Variants in DCDC2 observed in about 807,000 individuals in gnomAD.
DCDC2 encodes doublecortin domain containing 2.
In DCDC2, 40 loss-of-function variants were observed where a neutral mutation model predicts 50.2. The ratio of observed to expected loss-of-function variants is 0.80; its 90% CI spans 0.62 to 1.04. The LOEUF is 1.04. DCDC2 is among the 50% of genes least tolerant of loss of function. DCDC2 has a pLI of 0.00. For missense variants in DCDC2, 570 were observed against 581.9 expected (o/e 0.98, Z 0.21); for synonymous variants, 234 against 210.6 (o/e 1.11, Z -0.96).
chr6:24,282,823 A>G (rs867985306), intron 6 of DCDC2, among the ~76,000 whole-genome samples: 2 of 152,176 alleles, frequency 1.3e-5, no homozygotes, highest in African/African-American at 4.8e-5. Context: ...TCTCATCTGC[A>G]TATCTGGTGA....
chr6:24,222,274 T>C (rs1289100690), intron 7 of DCDC2, among the ~76,000 whole-genome samples: 3 of 152,118 alleles, frequency 2.0e-5, no homozygotes, highest in Non-Finnish European at 2.9e-5. Context: ...TGAAGAGACT[T>C]TGGAGAAAGA....
At chr6:24,188,895 C>T (rs574799879) in intron 8 of DCDC2, among the ~76,000 whole-genome samples, 2 of 152,064 alleles carry the variant, frequency 1.3e-5, no homozygotes, top group East Asian at 1.9e-4. Context: ...CTCTCTGGCA[C>T]GCATCCAGAA....
chr6:24,289,043 C>T lies in DCDC2; in HGVS notation c.705-137G>A, dbSNP rs574479728. ...AAAAGGTAGATAACATACACTTTAACACATACTTTCCCAATTTCACAAAGA... is the reference window on the plus strand; with the variant it reads ...AAAAGGTAGATAACATACACTTTAATACATACTTTCCCAATTTCACAAAGA... On this transcript the variant is annotated intron_variant, in intron 5 of 9. Transcript: ENST00000378454. 4.7e-5 allele frequency: 27 copies of T among 574,426 alleles called. No individual in the cohort carries two copies. In the South Asian group the frequency reaches 6.8e-4, roughly 15 times the overall value. 35.6% of individuals were successfully genotyped at this position (574,426 alleles called of 1,614,324 possible). A position where few individuals can be genotyped will look rare whatever the true frequency, so the allele number is the denominator to read the frequency against.
At chr6:24,225,081 T>TTTA (rs1398352406) in intron 7 of DCDC2, among the ~76,000 whole-genome samples, 2 of 151,938 alleles carry the variant, frequency 1.3e-5, no homozygotes, top group Admixed American at 6.6e-5. Flanking sequence ...AATGAAGAGG[T>TTTA]TTAAGTCTAC....
chr6:24,347,580 C>T (rs1342503310), intron 2 of DCDC2, among the ~76,000 whole-genome samples: 1 of 152,034 alleles, frequency 6.6e-6, no homozygotes, highest in Non-Finnish European at 1.5e-5. Context: ...TTAAAGTATA[C>T]GGGGGGATGT....
At chr6:24,275,590 C>T (rs568550152) in intron 7 of DCDC2, among the ~76,000 whole-genome samples, 8 of 152,170 alleles carry the variant, frequency 5.3e-5, no homozygotes, top group South Asian at 4.2e-4. Context: ...ACACCAGCAG[C>T]GTTTCCTGTA....
chr6:24,264,609 T>A (rs1763078722), intron 7 of DCDC2, among the ~76,000 whole-genome samples: 1 of 149,648 alleles, frequency 6.7e-6, no homozygotes. Context: ...TAACCTCAAG[T>A]CAAAAAAAAA....
chr6:24,369,140 A>AAAAAAAAAAAAC, the DCDC2 span, among the ~76,000 whole-genome samples: 11 of 150,942 alleles, frequency 7.3e-5, no homozygotes, highest in African/African-American at 2.2e-4. Flanking sequence ...TCTCAAAAAA[A>AAAAAAAAAAAAC]AAAAAAAAAA....
intron 8 of DCDC2, among the ~76,000 whole-genome samples, chr6:24,200,624 G>A (rs1020472071): frequency 7.2e-5 from 11 of 152,128 alleles, no homozygotes; most frequent in African/African-American, 2.7e-4. Flanking sequence ...GCATCATAAT[G>A]ACAGGATAAA....
At chr6:24,189,869 T>G (rs1415270563) in intron 8 of DCDC2, among the ~76,000 whole-genome samples, 1 of 152,124 alleles carries the variant, frequency 6.6e-6, no homozygotes, top group African/African-American at 2.4e-5. Flanking sequence ...TAGAAGATAT[T>G]TCTGTGGATT....
chr6:24,291,953 C>A (rs1763761149), intron 4 of DCDC2, among the ~76,000 whole-genome samples: 1 of 152,060 alleles, frequency 6.6e-6, no homozygotes, highest in Non-Finnish European at 1.5e-5. Context: ...AACCCATTGC[C>A]AGTGTTAATG....
chr6:24,186,844 C>A (rs750249171), intron 8 of DCDC2, among the ~76,000 whole-genome samples: 3 of 152,124 alleles, frequency 2.0e-5, no homozygotes, highest in Non-Finnish European at 4.4e-5. Flanking sequence ...AACCCCAGTA[C>A]CTCATAAAGT....
intron 7 of DCDC2, among the ~76,000 whole-genome samples, chr6:24,241,571 C>T (rs989611381): frequency 3.3e-5 from 5 of 152,058 alleles, no homozygotes; most frequent in Non-Finnish European, 7.4e-5. Flanking sequence ...AAGTATTCTC[C>T]AACTACACAA....
intron 6 of DCDC2, among the ~76,000 whole-genome samples, chr6:24,286,233 G>C (rs979600040): frequency 3.9e-5 from 6 of 152,102 alleles, no homozygotes; most frequent in African/African-American, 1.4e-4. Context: ...AAGCTGTGCT[G>C]GGTGATGAAG....
chr6:24,205,379 A>G (rs949981894), intron 7 of DCDC2: 1 of 1,451,068 alleles, frequency 6.9e-7, no homozygotes, highest in Non-Finnish European at 9.1e-7. Flanking sequence ...TTACTAACAT[A>G]GCCCTTTGTA....
rs147918966 is a variant in DCDC2 at position 24,209,204 on chromosome 6, T to C, written c.923-4102A>G. ...TAAAACACCTGCTTGCAAGTATAGA[T>C]TCCATGAGAAATTTCCAAAAGTATT... is the stretch of plus-strand genomic sequence containing the variant. On this transcript the variant is annotated intron_variant, in intron 7 of 9. Transcript: ENST00000378454. Among the ~76,000 whole-genome samples the C allele has an allele frequency of 7.7e-3, 1,178 of 152,314 alleles. 11 individuals are homozygous for C. Among genetic ancestry groups the C allele is most frequent in the Non-Finnish European group, 0.013 (892 of 68,034 alleles).
At chr6:24,276,824 A>C (rs1230207100) in intron 7 of DCDC2, among the ~76,000 whole-genome samples, 3 of 152,132 alleles carry the variant, frequency 2.0e-5, no homozygotes, top group African/African-American at 7.2e-5. Flanking sequence ...AAATCTTCAT[A>C]AGAACCCACA....
intron 7 of DCDC2, among the ~76,000 whole-genome samples, chr6:24,252,054 C>T (rs181689785): frequency 3.7e-4 from 56 of 152,288 alleles, no homozygotes; most frequent in African/African-American, 1.1e-3. Flanking sequence ...ACACTAACAT[C>T]GTCCTCTCCA....
chr6:24,348,781 C>A (rs1242171045), intron 2 of DCDC2, among the ~76,000 whole-genome samples: 2 of 152,164 alleles, frequency 1.3e-5, no homozygotes, highest in East Asian at 3.8e-4. Flanking sequence ...CTGAGCACAC[C>A]TCTAGCACAG....
Sources: gnomAD v4.1 joint callset for allele counts (sites outside exome capture counted in the v4.1 genomes callset) on GRCh38, gnomAD v4.1.1 for gene constraint, MANE v1.5 for transcripts, NCBI Gene and HGNC (gene_info 2026-07-23, HGNC 2026-07-21) for gene names.